Variants in CSMD1 observed in about 807,000 individuals in gnomAD.
CSMD1 encodes the protein CUB and sushi domain-containing protein 1.
A neutral mutation model predicts 417.5 loss-of-function variants in CSMD1; 213 were observed. That is an observed-to-expected ratio of 0.51 (90% CI 0.46 to 0.57). The LOEUF (loss-of-function observed/expected upper bound fraction) is 0.57. CSMD1 is among the 20% of genes least tolerant of loss of function. The probability of loss-of-function intolerance (pLI) is 0.00; values close to 1 mark genes in which losing one functional copy is unlikely to be tolerated. For missense variants in CSMD1, 6,923 were observed against 4,529.7 expected (o/e 1.53, Z -15.17); for synonymous variants, 2,862 against 1,736.8 (o/e 1.65, Z -16.11).
intron 1 of CSMD1, among the ~76,000 whole-genome samples, chr8:4,923,782 AG>A (rs1489920943): frequency 6.6e-6 from 1 of 152,174 alleles, no homozygotes; most frequent in Admixed American, 6.5e-5. Context: ...TCCAAGATTC[AG>A]TGTCCCAATG....
chr8:3,004,229 G>C (rs1468990335), intron 52 of CSMD1, among the ~76,000 whole-genome samples: 1 of 152,128 alleles, frequency 6.6e-6, no homozygotes, highest in Non-Finnish European at 1.5e-5. Context: ...GATTTGTCTT[G>C]ATTTTGCAGA....
At chr8:4,423,321 T>G (rs1258653478) in intron 2 of CSMD1, among the ~76,000 whole-genome samples, 1 of 152,078 alleles carries the variant, frequency 6.6e-6, no homozygotes, top group African/African-American at 2.4e-5. Flanking sequence ...CCAAGGAATC[T>G]ACAAGAAAAT....
At chr8:3,984,061 T>C (rs10094217) in intron 5 of CSMD1, among the ~76,000 whole-genome samples, 5 of 109,084 alleles carry the variant, frequency 4.6e-5, no homozygotes, top group Admixed American at 9.5e-5. Context: ...GGCTGTCAAT[T>C]GCAGCTCTAG....
intron 1 of CSMD1, among the ~76,000 whole-genome samples, chr8:4,853,066 T>A (rs1455078018): frequency 6.6e-6 from 1 of 152,122 alleles, no homozygotes; most frequent in African/African-American, 2.4e-5. Flanking sequence ...GCATAAACAT[T>A]TGGAAAATTT....
chr8:3,706,717 TC>T (rs140868677), intron 7 of CSMD1, among the ~76,000 whole-genome samples: 4,171 of 152,276 alleles, frequency 0.027, 177 homozygotes, highest in African/African-American at 0.095. Flanking sequence ...GATATGTGGT[TC>T]TACATTGAAC....
intron 5 of CSMD1, among the ~76,000 whole-genome samples, chr8:3,759,823 G>C (rs191876835): frequency 1.4e-5 from 2 of 144,378 alleles, no homozygotes; most frequent in Non-Finnish European, 3.0e-5. Context: ...GAGGAGAATT[G>C]TTTGAACCTG....
chr8:4,722,429 C>A (rs1197938703), intron 1 of CSMD1, among the ~76,000 whole-genome samples: 2 of 152,054 alleles, frequency 1.3e-5, no homozygotes, highest in Non-Finnish European at 2.9e-5. Context: ...AAAAGTGATG[C>A]CTTCTAAGTG....
At chr8:4,762,672 T>C (rs1812193262) in intron 1 of CSMD1, among the ~76,000 whole-genome samples, 1 of 152,134 alleles carries the variant, frequency 6.6e-6, no homozygotes, top group Non-Finnish European at 1.5e-5. Context: ...TGTGGTTCTC[T>C]ATCAATAAGG....
At chr8:3,280,824 C>T (rs1169964692) in intron 26 of CSMD1, among the ~76,000 whole-genome samples, 2 of 151,782 alleles carry the variant, frequency 1.3e-5, no homozygotes, top group Admixed American at 6.6e-5. Flanking sequence ...TTCCATGATC[C>T]TCAAATAATT....
intron 1 of CSMD1, among the ~76,000 whole-genome samples, chr8:4,712,843 G>C (rs552155407): frequency 1.3e-5 from 2 of 152,262 alleles, no homozygotes; most frequent in African/African-American, 2.4e-5. Context: ...ATTTCAGAGA[G>C]GTCTAATCTG....
At chr8:4,445,826 C>T (rs1412247241) in intron 2 of CSMD1, among the ~76,000 whole-genome samples, 1 of 152,178 alleles carries the variant, frequency 6.6e-6, no homozygotes, top group Non-Finnish European at 1.5e-5. Flanking sequence ...TTTAAATTGC[C>T]TACTTAGTAA....
At chr8:3,578,702 C>G (rs1404143325) in intron 9 of CSMD1, among the ~76,000 whole-genome samples, 1 of 152,154 alleles carries the variant, frequency 6.6e-6, no homozygotes, top group Admixed American at 6.5e-5. Context: ...TGGGCAGCTC[C>G]TCACACAGGA....
chr8:4,111,768 G>A (rs925309270), intron 3 of CSMD1, among the ~76,000 whole-genome samples: 2 of 152,102 alleles, frequency 1.3e-5, no homozygotes, highest in Non-Finnish European at 2.9e-5. Flanking sequence ...GGGAACTGTT[G>A]TGGGGCATAG....
chr8:4,576,055 C>G (rs777011501), intron 2 of CSMD1, among the ~76,000 whole-genome samples: 1 of 152,240 alleles, frequency 6.6e-6, no homozygotes, highest in African/African-American at 2.4e-5. Flanking sequence ...TCAACATCCA[C>G]TCTTCTCTCA....
intron 5 of CSMD1, among the ~76,000 whole-genome samples, chr8:3,841,372 G>T (rs1195578037): frequency 6.6e-6 from 1 of 152,060 alleles, no homozygotes; most frequent in Non-Finnish European, 1.5e-5. Flanking sequence ...TCGTTATGTG[G>T]TTCTCAACCT....
chr8:4,184,787 T>G (rs1230207927), intron 3 of CSMD1, among the ~76,000 whole-genome samples: 2 of 148,958 alleles, frequency 1.3e-5, no homozygotes, highest in Admixed American at 1.3e-4. Context: ...TACCACAACC[T>G]GTGACACAGG....
intron 7 of CSMD1, among the ~76,000 whole-genome samples, chr8:3,708,145 T>C (rs535971162): frequency 1.3e-5 from 2 of 152,142 alleles, no homozygotes; most frequent in Non-Finnish European, 2.9e-5. Flanking sequence ...GTGTCACATA[T>C]ACTTAAGAGA....
chr8:4,410,872 G>T (rs1387072643), intron 3 of CSMD1, among the ~76,000 whole-genome samples: 2 of 152,160 alleles, frequency 1.3e-5, no homozygotes, highest in Non-Finnish European at 2.9e-5. Flanking sequence ...AAGTTTGGAA[G>T]GAGGAGGGCT....
At chr8:3,753,611 A>G (rs943188199) in intron 6 of CSMD1, among the ~76,000 whole-genome samples, 1 of 152,232 alleles carries the variant, frequency 6.6e-6, no homozygotes, top group Non-Finnish European at 1.5e-5. Context: ...TGTAAATACA[A>G]TAGCCAAACT....
Sources: allele counts gnomAD v4.1 joint callset (sites outside exome capture counted in the v4.1 genomes callset), GRCh38; gene constraint gnomAD v4.1.1; transcripts MANE v1.5; gene names NCBI Gene and HGNC (gene_info 2026-07-23, HGNC 2026-07-21).